TTC23L: variants seen among roughly 807,000 people sequenced by gnomAD.
TTC23L encodes the protein tetratricopeptide repeat protein 23-like.
A neutral mutation model predicts 48.1 loss-of-function variants in TTC23L; 42 were observed. The observed-to-expected ratio is 0.87, with a 90% CI of 0.68 to 1.13. The LOEUF (loss-of-function observed/expected upper bound fraction) is 1.13, where lower values mean the gene tolerates loss of function less well. TTC23L is among the 50% of genes most tolerant of loss of function. TTC23L has a pLI of 0.00. For synonymous variants in TTC23L, 159 were observed against 157.2 expected, an observed-to-expected ratio of 1.01 and a Z score of -0.09; for missense variants, 391 against 421.0, an observed-to-expected ratio of 0.93 and a Z score of 0.62.
chr5:34,875,585 T>C (rs1469708030), intron 8 of TTC23L, among the ~76,000 whole-genome samples: 1 of 152,118 alleles, frequency 6.6e-6, no homozygotes, highest in African/African-American at 2.4e-5. Flanking sequence ...AGGGTGGGTC[T>C]GCCTCTCCCA....
At chr5:34,850,152 T>C in intron 3 of TTC23L, 33 bp from the exon 4 acceptor site, 1 of 1,611,998 alleles carries the variant, frequency 6.2e-7, no homozygotes, top group Non-Finnish European at 8.5e-7. Context: ...TCTCTTCCTT[T>C]CCAAAAAGTA....
intron 4 of TTC23L, among the ~76,000 whole-genome samples, chr5:34,851,865 C>G (rs574192073): frequency 1.0e-3 from 155 of 152,194 alleles, no homozygotes; most frequent in African/African-American, 3.6e-3. Flanking sequence ...TTGGTGGTCC[C>G]TATGCTCTAG....
At chr5:34,905,520 T>C in the TTC23L span, 1 of 152,108 alleles carries the variant, frequency 6.6e-6, no homozygotes, top group South Asian at 2.1e-4. Context: ...AATACTTTTA[T>C]TATTTTGAAG....
At chr5:34,901,734 C>G (rs970825346), downstream of TTC23L, among the ~76,000 whole-genome samples, 3 of 152,036 alleles carry the variant, frequency 2.0e-5, no homozygotes, top group African/African-American at 7.3e-5. Context: ...TGCACTCCAG[C>G]TTGGGCAACA....
At chr5:34,887,976 T>G (rs185733893) in intron 9 of TTC23L, among the ~76,000 whole-genome samples, 265 of 152,354 alleles carry the variant, frequency 1.7e-3, no homozygotes, top group African/African-American at 6.3e-3. Flanking sequence ...GATGGAATGC[T>G]TGTGTCCCTT....
At chr5:34,858,325 A>G (rs1760294510) in intron 4 of TTC23L, among the ~76,000 whole-genome samples, 1 of 152,210 alleles carries the variant, frequency 6.6e-6, no homozygotes, top group Non-Finnish European at 1.5e-5. Context: ...AAGAGGACGT[A>G]CTTAGACTTA....
At chr5:34,911,332 T>G in the TTC23L span, among the ~76,000 whole-genome samples, 4 of 152,172 alleles carry the variant, frequency 2.6e-5, no homozygotes, top group African/African-American at 9.7e-5. Context: ...GGACTGGGCT[T>G]CTCATCTAGA....
chr5:34,888,773 A>G (rs1762683163), intron 9 of TTC23L, among the ~76,000 whole-genome samples: 1 of 152,210 alleles, frequency 6.6e-6, no homozygotes, highest in Non-Finnish European at 1.5e-5. Flanking sequence ...TAGTATTTAT[A>G]ATATCCCTTT....
chr5:34,888,303 CA>C (rs1451044877), intron 9 of TTC23L, among the ~76,000 whole-genome samples: 10 of 152,284 alleles, frequency 6.6e-5, no homozygotes, highest in African/African-American at 2.4e-4. Context: ...TCTTTGTTAT[CA>C]GCTTAGGAAA....
intron 9 of TTC23L, among the ~76,000 whole-genome samples, chr5:34,892,011 T>G (rs1341688473): frequency 6.6e-6 from 1 of 151,964 alleles, no homozygotes; most frequent in Non-Finnish European, 1.5e-5. Context: ...TGGCAGAAGG[T>G]TTTTCTTTCC....
At chr5:34,905,498 T>C in the TTC23L span, 1 of 151,966 alleles carries the variant, frequency 6.6e-6, no homozygotes, top group Admixed American at 6.6e-5. Flanking sequence ...TTTATTAAAG[T>C]GGAATTTAAC....
chr5:34,876,018 A>G (rs1383010556), intron 8 of TTC23L, among the ~76,000 whole-genome samples: 1 of 152,204 alleles, frequency 6.6e-6, no homozygotes, highest in East Asian at 1.9e-4. Context: ...GAGATTAAAC[A>G]ACACATATCT....
the TTC23L span, chr5:34,919,907 C>A: frequency 2.1e-6 from 2 of 956,916 alleles, no homozygotes; most frequent in Middle Eastern, 2.1e-4. Flanking sequence ...GTAATTGCAA[C>A]AAAATATTTT....
At chr5:34,900,645 T>C (rs115983814), downstream of TTC23L, among the ~76,000 whole-genome samples, 801 of 152,340 alleles carry the variant, frequency 5.3e-3, 3 homozygotes, top group Non-Finnish European at 8.1e-3. Context: ...CTTTGATACA[T>C]ATCAAGCAAT....
intron 9 of TTC23L, among the ~76,000 whole-genome samples, chr5:34,892,245 A>G (rs1762916197): frequency 6.6e-6 from 1 of 152,178 alleles, no homozygotes; most frequent in Non-Finnish European, 1.5e-5. Flanking sequence ...GACTACACTC[A>G]CTGGACTTTC....
chr5:34,867,193 G>A, intron 7 of TTC23L, 124 bp downstream of exon 7: 1 of 1,057,474 alleles, frequency 9.5e-7, no homozygotes, highest in Non-Finnish European at 1.4e-6. Context: ...TTTTAACCCT[G>A]ACTTTCCTCC....
At chr5:34,908,669 T>C in the TTC23L span, 3 of 1,152,528 alleles carry the variant, frequency 2.6e-6, no homozygotes, top group Admixed American at 4.9e-5. Context: ...TTCTTCTCTA[T>C]AGAAAATCCA....
the TTC23L span, chr5:34,924,773 A>G: frequency 1.1e-6 from 1 of 922,788 alleles, no homozygotes; most frequent in Non-Finnish European, 1.7e-6. Context: ...CACATTTATA[A>G]TGAGGTTATA....
intron 8 of TTC23L, among the ~76,000 whole-genome samples, chr5:34,878,229 T>G (rs1761992344): frequency 6.6e-6 from 1 of 152,066 alleles, no homozygotes; most frequent in Non-Finnish European, 1.5e-5. Flanking sequence ...AGCCAGGTAT[T>G]GTGGTGTGTT....
Sources: allele counts gnomAD v4.1 joint callset (sites outside exome capture counted in the v4.1 genomes callset), GRCh38; gene constraint gnomAD v4.1.1; transcripts MANE v1.5; gene names NCBI Gene and HGNC (gene_info 2026-07-23, HGNC 2026-07-21).